DLG2: variants seen among roughly 807,000 people sequenced by gnomAD.
The protein encoded by DLG2 is disks large homolog 2.
In DLG2, 45 loss-of-function variants were observed where a neutral mutation model predicts 132.5. The observed-to-expected ratio is 0.34, with a 90% CI of 0.27 to 0.44. DLG2 has a LOEUF of 0.44. Among genes scored for constraint, DLG2 ranks in the 20% least tolerant of loss-of-function variants. The pLI, the probability that DLG2 is intolerant of heterozygous loss-of-function variation, is 1.00. For missense variants in DLG2, 1,045 were observed against 1,196.9 expected, an observed-to-expected ratio of 0.87 and a Z score of 1.87; for synonymous variants, 424 against 419.6, an observed-to-expected ratio of 1.01 and a Z score of -0.13.
At chr11:83,677,833 C>T (rs144700073) in intron 18 of DLG2, among the ~76,000 whole-genome samples, 3 of 152,266 alleles carry the variant, frequency 2.0e-5, no homozygotes, top group Admixed American at 6.5e-5. Flanking sequence ...GAATGATGCA[C>T]TAAACAGAAG....
At chr11:83,693,791 T>C (rs942766126) in intron 18 of DLG2, 6 of 152,168 alleles carry the variant, frequency 3.9e-5, no homozygotes, top group Non-Finnish European at 8.8e-5. Context: ...GAAGAGAGGA[T>C]ATGCAACCAC....
At chr11:83,631,168 T>C (rs1203567682) in intron 19 of DLG2, 1 of 56,442 alleles carries the variant, frequency 1.8e-5, no homozygotes, top group Non-Finnish European at 3.4e-5. Flanking sequence ...TGCTTCTTGC[T>C]TTTTTTTTTT....
At chr11:85,554,725 C>A (rs190543659) in intron 3 of DLG2, among the ~76,000 whole-genome samples, 2 of 151,750 alleles carry the variant, frequency 1.3e-5, no homozygotes, top group Non-Finnish European at 2.9e-5. Context: ...CTTCTATGAT[C>A]GTTTATTGCA....
At chr11:84,672,678 T>C (rs566943021) in intron 6 of DLG2, among the ~76,000 whole-genome samples, 2 of 152,156 alleles carry the variant, frequency 1.3e-5, no homozygotes, top group African/African-American at 4.8e-5. Flanking sequence ...GCACTCCTTT[T>C]GCCTTTCCCT....
intron 21 of DLG2, among the ~76,000 whole-genome samples, chr11:83,493,781 A>G (rs1340872974): frequency 2.0e-5 from 3 of 152,140 alleles, no homozygotes; most frequent in South Asian, 2.1e-4. Flanking sequence ...ATCAATGATC[A>G]ATGCAGAAAC....
intron 7 of DLG2, among the ~76,000 whole-genome samples, chr11:84,501,824 TA>T (rs1292996227): frequency 7.2e-5 from 11 of 152,154 alleles, no homozygotes; most frequent in African/African-American, 2.7e-4. Flanking sequence ...AGTAATTTGT[TA>T]AAGGAAAATA....
At chr11:84,616,745 GA>G (rs916401674) in intron 6 of DLG2, among the ~76,000 whole-genome samples, 1 of 152,040 alleles carries the variant, frequency 6.6e-6, no homozygotes, top group Admixed American at 6.6e-5. Context: ...CTGTCATTAT[GA>G]AGACAAATGA....
intron 8 of DLG2, among the ~76,000 whole-genome samples, chr11:84,183,508 G>T (rs1054681639): frequency 6.6e-6 from 1 of 152,112 alleles, no homozygotes; most frequent in Non-Finnish European, 1.5e-5. Flanking sequence ...CACTAGAGCA[G>T]CTCAACAGTA....
intron 15 of DLG2, among the ~76,000 whole-genome samples, chr11:83,879,567 A>G (rs1360618992): frequency 1.3e-5 from 2 of 152,166 alleles, no homozygotes; most frequent in African/African-American, 4.8e-5. Context: ...ATTCTTAAAA[A>G]GAAGAGTATG....
intron 5 of DLG2, among the ~76,000 whole-genome samples, chr11:85,147,084 C>A (rs930424551): frequency 6.6e-6 from 1 of 152,178 alleles, no homozygotes; most frequent in Non-Finnish European, 1.5e-5. Context: ...TACATGCCAT[C>A]GGTTGGGGAA....
chr11:85,320,041 C>A (rs2080950068), intron 3 of DLG2, among the ~76,000 whole-genome samples: 1 of 151,858 alleles, frequency 6.6e-6, no homozygotes, highest in Non-Finnish European at 1.5e-5. Context: ...TTAAACCATG[C>A]TCTTTGAGCC....
At chr11:84,534,866 T>G (rs2099351588) in intron 6 of DLG2, 135 bp from the exon 7 acceptor site, 2 of 1,020,012 alleles carry the variant, frequency 2.0e-6, no homozygotes. Flanking sequence ...TGGGCTTTGC[T>G]GCAGACTCTT....
At chr11:84,532,596 A>G (rs1001439820) in intron 7 of DLG2, among the ~76,000 whole-genome samples, 3 of 152,018 alleles carry the variant, frequency 2.0e-5, no homozygotes, top group Non-Finnish European at 2.9e-5. Flanking sequence ...CCTGGGCTCA[A>G]ATGATCCTCT....
intron 3 of DLG2, among the ~76,000 whole-genome samples, chr11:85,484,197 G>A (rs1174310922): frequency 4.3e-5 from 6 of 139,096 alleles, no homozygotes; most frequent in South Asian, 4.6e-4. Context: ...GATCTTTCCC[G>A]CCCCCCGTTC....
chr11:84,843,165 G>A lies in DLG2; in HGVS notation c.357+268496C>T, dbSNP rs1264578896. ...GCAGTGCAAAACTTTTGGAAGTAAT[G>A]GATATGTTGATTAGCTTGATTATGG... On this transcript the variant is annotated intron_variant, in intron 6 of 27. Coordinates refer to ENST00000376104, the MANE Select transcript of DLG2 (RefSeq NM_001142699.3). Among the ~76,000 whole-genome samples, 4 of 151,854 alleles carry A rather than the reference G, an allele frequency of 2.6e-5. No individual in the cohort carries two copies. In the East Asian group the frequency reaches 7.8e-4, roughly 30 times the overall value.
intron 11 of DLG2, among the ~76,000 whole-genome samples, chr11:84,051,179 G>C (rs561160977): frequency 1.3e-4 from 19 of 151,934 alleles, no homozygotes; most frequent in Non-Finnish European, 2.4e-4. Context: ...GTTGGTGGGA[G>C]TGTAAACTAG....
At chr11:85,625,604 G>A (rs996245888) in intron 2 of DLG2, among the ~76,000 whole-genome samples, 2 of 152,184 alleles carry the variant, frequency 1.3e-5, no homozygotes, top group African/African-American at 4.8e-5. Flanking sequence ...ACAGGTAGAA[G>A]AATTAAACAC....
At chr11:83,706,233 A>G (rs1394126160) in intron 18 of DLG2, among the ~76,000 whole-genome samples, 1 of 147,878 alleles carries the variant, frequency 6.8e-6, no homozygotes. Context: ...AAAAAAAAAC[A>G]TTTTAAAACC....
chr11:84,938,461 T>C (rs1330801298), intron 6 of DLG2, among the ~76,000 whole-genome samples: 1 of 152,160 alleles, frequency 6.6e-6, no homozygotes, highest in Non-Finnish European at 1.5e-5. Flanking sequence ...TGATTATAGA[T>C]CACTAGCTGC....
Sources: gnomAD v4.1 joint callset for allele counts (sites outside exome capture counted in the v4.1 genomes callset) on GRCh38, gnomAD v4.1.1 for gene constraint, MANE v1.5 for transcripts, NCBI Gene and HGNC (gene_info 2026-07-23, HGNC 2026-07-21) for gene names.